The following RTN1 variants were observed in gnomAD, a reference collection of about 807,000 sequenced individuals.
RTN1 encodes the protein reticulon-1.
In RTN1, 25 loss-of-function variants were observed where a neutral mutation model predicts 65.5. The observed-to-expected ratio is 0.38, with a 90% CI of 0.28 to 0.53. The LOEUF (loss-of-function observed/expected upper bound fraction) is 0.53. Among genes scored for constraint, RTN1 ranks in the 20% least tolerant of loss-of-function variants. The pLI, the probability that RTN1 is intolerant of heterozygous loss-of-function variation, is 0.79. For missense variants in RTN1, 983 were observed against 1,025.4 expected (o/e 0.96, Z 0.57); for synonymous variants, 471 against 447.6 (o/e 1.05, Z -0.66).
intron 3 of RTN1, chr14:59,647,087 C>T (rs1174785411): frequency 1.3e-5 from 2 of 152,334 alleles, no homozygotes; most frequent in Non-Finnish European, 2.9e-5. Context: ...CATCCATATG[C>T]TCAAAATAAA....
intron 1 of RTN1, among the ~76,000 whole-genome samples, chr14:59,831,231 A>G (rs1188504236): frequency 2.0e-5 from 3 of 152,198 alleles, no homozygotes; most frequent in Non-Finnish European, 4.4e-5. Flanking sequence ...GTTTTTATGA[A>G]GATGTTTTCG....
intron 8 of RTN1, among the ~76,000 whole-genome samples, chr14:59,598,222 G>A (rs1057018404): frequency 3.3e-5 from 5 of 152,148 alleles, no homozygotes; most frequent in Admixed American, 6.5e-5. Context: ...GTTTAGAGAT[G>A]AGGCTGCAGG....
At chr14:59,712,286 T>C (rs1404890652) in intron 3 of RTN1, among the ~76,000 whole-genome samples, 2 of 152,182 alleles carry the variant, frequency 1.3e-5, no homozygotes, top group African/African-American at 4.8e-5. Context: ...CAACCCTGGC[T>C]GGACATTTTA....
At chr14:59,821,314 G>A (rs183205620) in intron 1 of RTN1, among the ~76,000 whole-genome samples, 46 of 152,252 alleles carry the variant, frequency 3.0e-4, no homozygotes, top group African/African-American at 1.0e-3. Flanking sequence ...TCTCAGCTTG[G>A]ATGTTGTTGG....
Position 59,816,255 on chromosome 14 carries a change from C to A in RTN1, c.241+54135G>T, listed in dbSNP as rs1886819678. Reference sequence around the variant, plus strand: ...CACAGACACACACACACACTAGTTACTCAGGTGATTAATGAATGCTGATAC... The same window carrying A: ...CACAGACACACACACACACTAGTTAATCAGGTGATTAATGAATGCTGATAC... On this transcript the variant is annotated intron_variant, in intron 1 of 8. Coordinates refer to ENST00000267484, the MANE Select transcript of RTN1 (RefSeq NM_021136.3). The surrounding 1 kb of genome is among the most constrained non-coding windows in gnomAD (Gnocchi z 4.3). Among the ~76,000 whole-genome samples the A allele has an allele frequency of 6.6e-6, 1 of 152,040 alleles. No homozygotes were observed. Among genetic ancestry groups the A allele is most frequent in the Non-Finnish European group, 1.5e-5 (1 of 67,972 alleles).
intron 3 of RTN1, among the ~76,000 whole-genome samples, chr14:59,626,929 T>C (rs1047180964): frequency 6.6e-6 from 1 of 152,194 alleles, no homozygotes; most frequent in Admixed American, 6.5e-5. Flanking sequence ...TTTGTTGTAT[T>C]TGTAAAGGTT....
At chr14:59,775,346 A>AGCCTCTATT (rs1886031646) in intron 1 of RTN1, among the ~76,000 whole-genome samples, 1 of 152,184 alleles carries the variant, frequency 6.6e-6, no homozygotes, top group African/African-American at 2.4e-5. Context: ...GTAAGAAATA[A>AGCCTCTATT]GCCTCTATTC....
At chr14:59,750,097 T>C (rs1366651968) in intron 1 of RTN1, among the ~76,000 whole-genome samples, 2 of 64,874 alleles carry the variant, frequency 3.1e-5, no homozygotes, top group Middle Eastern at 0.014. Flanking sequence ...ATATATATTA[T>C]ATATTATATA....
At chr14:59,869,650 C>T (rs987682964) in intron 1 of RTN1, among the ~76,000 whole-genome samples, 2 of 151,810 alleles carry the variant, frequency 1.3e-5, no homozygotes, top group African/African-American at 4.8e-5. Flanking sequence ...AGCCCTCCAA[C>T]CCACAGCCAG....
intron 1 of RTN1, among the ~76,000 whole-genome samples, chr14:59,783,143 T>C (rs1886187194): frequency 6.6e-6 from 1 of 152,238 alleles, no homozygotes; most frequent in African/African-American, 2.4e-5. Context: ...GCTAAGTTTC[T>C]AATCAAATCT....
At chr14:59,704,810 C>A (rs1884256570) in intron 3 of RTN1, among the ~76,000 whole-genome samples, 1 of 152,056 alleles carries the variant, frequency 6.6e-6, no homozygotes, top group African/African-American at 2.4e-5. Context: ...AGGAAGAAAA[C>A]CCACCTCTCC....
At chr14:59,634,291 A>G (rs2140187324) in intron 3 of RTN1, among the ~76,000 whole-genome samples, 1 of 152,250 alleles carries the variant, frequency 6.6e-6, no homozygotes, top group East Asian at 1.9e-4. Context: ...AAGCATCTTC[A>G]TTTTTTTCTT....
intron 1 of RTN1, among the ~76,000 whole-genome samples, chr14:59,833,503 C>T (rs1330776132): frequency 6.6e-6 from 1 of 152,096 alleles, no homozygotes; most frequent in African/African-American, 2.4e-5. Flanking sequence ...GGTTTACACA[C>T]TAATTTTATT....
At chr14:59,684,035 A>C (rs1188795286) in intron 3 of RTN1, among the ~76,000 whole-genome samples, 2 of 152,116 alleles carry the variant, frequency 1.3e-5, no homozygotes, top group Non-Finnish European at 2.9e-5. Flanking sequence ...ATGACCAAGC[A>C]AAGTACATAC....
intron 2 of RTN1, among the ~76,000 whole-genome samples, chr14:59,732,070 T>C (rs762369251): frequency 2.6e-5 from 4 of 152,198 alleles, no homozygotes; most frequent in Non-Finnish European, 5.9e-5. Context: ...GCACTTGAAT[T>C]GATCTTGGAA....
chr14:59,784,313 T>C (rs558276564), intron 1 of RTN1, among the ~76,000 whole-genome samples: 81 of 152,122 alleles, frequency 5.3e-4, no homozygotes, highest in African/African-American at 1.9e-3. Context: ...TGGTGGCACA[T>C]GCCTGTAATC....
intron 3 of RTN1, among the ~76,000 whole-genome samples, chr14:59,682,827 T>C (rs1883772485): frequency 6.6e-6 from 1 of 152,168 alleles, no homozygotes; most frequent in Non-Finnish European, 1.5e-5. Context: ...ATATAGTTAG[T>C]CCCACTGAAC....
intron 1 of RTN1, among the ~76,000 whole-genome samples, chr14:59,808,245 T>G (rs1374168579): frequency 6.6e-6 from 1 of 152,204 alleles, no homozygotes; most frequent in Non-Finnish European, 1.5e-5. Flanking sequence ...AAGACCACCT[T>G]GACAAATCAG....
intron 1 of RTN1, among the ~76,000 whole-genome samples, chr14:59,819,230 G>A (rs920301490): frequency 1.3e-5 from 2 of 152,042 alleles, no homozygotes; most frequent in South Asian, 2.1e-4. Context: ...GATTTATTGT[G>A]AAGAGCGAAA....
Sources: allele counts gnomAD v4.1 joint callset (sites outside exome capture counted in the v4.1 genomes callset), GRCh38; gene constraint gnomAD v4.1.1; non-coding constraint Gnocchi (gnomAD v3.1); transcripts MANE v1.5; gene names NCBI Gene and HGNC (gene_info 2026-07-23, HGNC 2026-07-21).